Variants in AMD1 observed in about 807,000 individuals in gnomAD.
AMD1 encodes the protein adenosylmethionine decarboxylase 1.
Under a neutral mutation model 40.2 loss-of-function variants are expected in AMD1, and 11 were observed. The ratio of observed to expected loss-of-function variants is 0.27; its 90% CI spans 0.17 to 0.45. The LOEUF (loss-of-function observed/expected upper bound fraction) is 0.45, where lower values mean the gene tolerates loss of function less well. Ranked by LOEUF, AMD1 falls within the 20% of genes least tolerant of loss-of-function variation. AMD1 has a pLI of 1.00. For missense variants in AMD1, 257 were observed against 410.2 expected, an observed-to-expected ratio of 0.63 and a Z score of 3.23; for synonymous variants, 121 against 130.8, an observed-to-expected ratio of 0.93 and a Z score of 0.51.
the AMD1 span, among the ~76,000 whole-genome samples, chr6:110,830,309 C>T: frequency 2.6e-5 from 4 of 152,050 alleles, no homozygotes; most frequent in Non-Finnish European, 5.9e-5. Context: ...CCACCGTGCC[C>T]GGCCAGGATC....
chr6:110,831,058 C>G, the AMD1 span, among the ~76,000 whole-genome samples: 2 of 152,070 alleles, frequency 1.3e-5, no homozygotes, highest in Non-Finnish European at 2.9e-5. Flanking sequence ...GTTATTTTCT[C>G]TGATATTTAC....
chr6:110,892,759 C>G lies in AMD1; in HGVS notation c.640C>G (p.Pro214Ala). The change falls in exon 7 of 9, where the codon CCA (proline) becomes GCA (alanine). Residue 214 changes from proline to alanine, a missense_variant. Physicochemically the swap from Pro to Ala is conservative, Grantham distance 27. Transcript: ENST00000368885. ...GGAGAGTGGAATTCGTGACCTGATA[C>G]CAGGTTCTGTCATTGATGCCACAAT... ...TRESGIRDLI[P>A]GSVIDATMFN... The G allele has an allele frequency of 6.2e-7, 1 of 1,613,266 alleles. No individual in the cohort carries two copies. Among genetic ancestry groups the G allele is most frequent in the Non-Finnish European group, 8.5e-7 (1 of 1,179,746 alleles).
At chr6:110,849,505 C>T in the AMD1 span, among the ~76,000 whole-genome samples, 1 of 152,268 alleles carries the variant, frequency 6.6e-6, no homozygotes, top group African/African-American at 2.4e-5. Flanking sequence ...TTGAATCCAG[C>T]TCTTTAGAGG....
the AMD1 span, chr6:110,815,020 C>T: frequency 1.9e-6 from 3 of 1,604,154 alleles, no homozygotes; most frequent in Non-Finnish European, 2.6e-6. Flanking sequence ...CATCTTTCCG[C>T]CTCGCCTTGT....
chr6:110,860,824 AACACCCACCCAC>A, the AMD1 span, among the ~76,000 whole-genome samples: 35 of 133,584 alleles, frequency 2.6e-4, no homozygotes, highest in South Asian at 7.0e-4. Context: ...AACAAAACAA[AACACCCACCCAC>A]ACACACACAC....
rs1484129916 is a variant in AMD1, at chr6:110,894,603, TTTAG to T, written c.*991_*994del. ...TAGTAGTAGTATAAAATCATTTTTA[TTTAG>T]TTAATTACCAGAGAGATTTAGCATA... On this transcript the variant is annotated 3_prime_UTR_variant, in exon 9 of 9. Coordinates refer to ENST00000368885, the MANE Select transcript of AMD1 (RefSeq NM_001634.6). 1.3e-5 allele frequency: 2 copies of T among 152,248 alleles called. No homozygotes were observed. The highest frequency in any genetic ancestry group is 4.8e-5 in the African/African-American group (2 of 41,468). The allele number at this position is 152,248 out of a possible 1,614,324, so 9.4% of individuals were successfully genotyped here.
chr6:110,882,137 CT>C (rs1785440179), intron 1 of AMD1, among the ~76,000 whole-genome samples: 1 of 152,192 alleles, frequency 6.6e-6, no homozygotes, highest in South Asian at 2.1e-4. Context: ...TTAATACTAT[CT>C]TTTCTATTTT....
intron 1 of AMD1, among the ~76,000 whole-genome samples, chr6:110,875,933 C>A (rs1785081721): frequency 6.6e-6 from 1 of 152,178 alleles, no homozygotes; most frequent in Admixed American, 6.5e-5. Context: ...GCCCTCGACA[C>A]GGCCGCTGAG....
intron 1 of AMD1, among the ~76,000 whole-genome samples, chr6:110,885,435 G>GT (rs1363815244): frequency 2.0e-5 from 3 of 150,192 alleles, no homozygotes; most frequent in African/African-American, 7.4e-5. Context: ...TTTTTGTTTT[G>GT]TTTGTTTGTT....
the AMD1 span, among the ~76,000 whole-genome samples, chr6:110,866,480 T>C: frequency 3.3e-5 from 5 of 152,008 alleles, no homozygotes; most frequent in Non-Finnish European, 5.9e-5. Flanking sequence ...CCCACCCCCA[T>C]TGTGATTCAG....
At chr6:110,868,430 T>C in the AMD1 span, among the ~76,000 whole-genome samples, 2 of 152,154 alleles carry the variant, frequency 1.3e-5, no homozygotes, top group Admixed American at 6.5e-5. Flanking sequence ...ATTACAGGCG[T>C]GAGCCACCGG....
the AMD1 span, among the ~76,000 whole-genome samples, chr6:110,851,798 AC>A: frequency 2.0e-5 from 3 of 151,982 alleles, no homozygotes; most frequent in Non-Finnish European, 2.9e-5. Context: ...GTTTAACATC[AC>A]CCCAGCTTGT....
At chr6:110,853,937 C>A in the AMD1 span, among the ~76,000 whole-genome samples, 5 of 152,150 alleles carry the variant, frequency 3.3e-5, no homozygotes, top group Non-Finnish European at 7.3e-5. Flanking sequence ...ACGACTAAAC[C>A]CTATGTCACT....
chr6:110,867,048 C>T, the AMD1 span, among the ~76,000 whole-genome samples: 1 of 151,906 alleles, frequency 6.6e-6, no homozygotes, highest in East Asian at 1.9e-4. Flanking sequence ...CTCCTGACCT[C>T]GTGATCCACC....
the AMD1 span, among the ~76,000 whole-genome samples, chr6:110,869,010 G>C: frequency 6.6e-6 from 1 of 150,940 alleles, no homozygotes; most frequent in East Asian, 2.0e-4. Flanking sequence ...TGGTGAGCCA[G>C]ATTGCGCCAT....
chr6:110,830,447 G>A, the AMD1 span, among the ~76,000 whole-genome samples: 3 of 152,196 alleles, frequency 2.0e-5, no homozygotes, highest in Non-Finnish European at 4.4e-5. Flanking sequence ...AGTACCAAAA[G>A]CATTCCTCCA....
At chr6:110,828,696 A>C in the AMD1 span, among the ~76,000 whole-genome samples, 2 of 152,154 alleles carry the variant, frequency 1.3e-5, no homozygotes, top group Non-Finnish European at 2.9e-5. Context: ...GTGGAAGTCA[A>C]ATTTGAATCT....
At chr6:110,853,325 T>G in the AMD1 span, among the ~76,000 whole-genome samples, 2 of 144,188 alleles carry the variant, frequency 1.4e-5, no homozygotes, top group African/African-American at 2.5e-5. Context: ...TTTTTTTTTT[T>G]GAGACGGAAT....
At chr6:110,855,806 C>T in the AMD1 span, among the ~76,000 whole-genome samples, 2 of 152,076 alleles carry the variant, frequency 1.3e-5, no homozygotes, top group African/African-American at 2.4e-5. Flanking sequence ...ATGAGCCAGG[C>T]GCAGTGATGC....
Sources: allele counts gnomAD v4.1 joint callset (sites outside exome capture counted in the v4.1 genomes callset), GRCh38; gene constraint gnomAD v4.1.1; transcripts MANE v1.5; gene names NCBI Gene and HGNC (gene_info 2026-07-23, HGNC 2026-07-21).